Variants in FOXR1 observed in about 807,000 individuals in gnomAD.
The protein encoded by FOXR1 is forkhead box R1.
FOXR1 carries 25 observed loss-of-function variants against 34.5 expected under a neutral mutation model. That is an observed-to-expected ratio of 0.72 (90% CI 0.53 to 1.01). The LOEUF is 1.01. FOXR1 is among the 50% of genes least tolerant of loss of function. FOXR1 has a pLI of 0.00. For missense variants in FOXR1, 373 were observed against 376.2 expected, an observed-to-expected ratio of 0.99 and a Z score of 0.07; for synonymous variants, 153 against 141.6, an observed-to-expected ratio of 1.08 and a Z score of -0.57.
intron 1 of FOXR1, 108 bp downstream of exon 1, chr11:118,972,100 G>A (rs1261919118): frequency 2.1e-6 from 2 of 953,928 alleles, no homozygotes; most frequent in African/African-American, 1.8e-5. Flanking sequence ...CCCACCTCCC[G>A]GGGAGGCTTG....
intron 1 of FOXR1, 133 bp from the exon 2 acceptor site, chr11:118,978,646 TAGA>T: frequency 1.2e-6 from 1 of 845,404 alleles, no homozygotes; most frequent in Non-Finnish European, 1.9e-6. Flanking sequence ...GGAAAACCCG[TAGA>T]AGTAGAATGT....
intron 4 of FOXR1, 26 bp downstream of exon 4, chr11:118,979,694 G>A (rs1446785151): frequency 1.9e-6 from 3 of 1,545,930 alleles, no homozygotes; most frequent in Non-Finnish European, 2.6e-6. Flanking sequence ...CCTGCGAGGA[G>A]GGGGAAGTGG....
intron 1 of FOXR1, among the ~76,000 whole-genome samples, chr11:118,975,951 C>A (rs968443697): frequency 6.6e-6 from 1 of 152,200 alleles, no homozygotes. Flanking sequence ...AAACCACAAC[C>A]CTGACTAAAT....
At chr11:118,974,342 C>T (rs1941752805) in intron 1 of FOXR1, among the ~76,000 whole-genome samples, 2 of 152,170 alleles carry the variant, frequency 1.3e-5, no homozygotes. Context: ...GTAGCTGCAA[C>T]CACAGGCACA....
chr11:118,979,160 T>A lies in FOXR1; in HGVS notation c.340T>A (p.Ser114Thr). ...ESLSQSSSKR[S>T]PPRKRFAFSP... is the part of the protein sequence containing the mutation. ...ACTGTCCCAGTCCTCCAGCAAGCGG[T>A]CTCCCCCTCGGAAGCGGTTTGCCTT... Residue 114 changes from serine to threonine, a missense_variant, in exon 3 of 6, where the codon TCT (serine) becomes ACT (threonine). Physicochemically the swap from Ser to Thr is moderately conservative, Grantham distance 58 (BLOSUM62 1). Coordinates refer to ENST00000317011, the MANE Select transcript of FOXR1 (RefSeq NM_181721.3). 1 of 1,557,680 alleles carries A rather than the reference T, an allele frequency of 6.4e-7. No individual in the cohort carries two copies. Among genetic ancestry groups the A allele is most frequent in the Non-Finnish European group, 8.7e-7 (1 of 1,155,454 alleles).
At position 118,980,631 on chromosome 11, in the gene FOXR1, G is replaced by T; in HGVS notation, c.753G>T (p.Trp251Cys). Residue 251 changes from tryptophan (W) to cysteine (C), a missense_variant, in exon 5 of 6, where the codon TGG (tryptophan) becomes TGT (cysteine). Trp to Cys is a radical substitution (Grantham distance 215). Transcript: ENST00000317011. ...GASTRPRSCL[W>C]KLTEEGHRRF... ...GCACACGGCCTCGATCTTGCCTCTG[G>T]AAGTTGACCGAGGAGGGACACCGCC... 1 of 1,614,230 alleles carries T rather than the reference G, an allele frequency of 6.2e-7. No homozygotes were observed. The highest frequency in any genetic ancestry group is 1.3e-5 in the African/African-American group (1 of 75,080).
At chr11:118,974,411 C>T (rs1021105143) in intron 1 of FOXR1, among the ~76,000 whole-genome samples, 3 of 151,946 alleles carry the variant, frequency 2.0e-5, no homozygotes, top group Non-Finnish European at 4.4e-5. Flanking sequence ...CCCTATGTTG[C>T]CCAGGCTGGT....
intron 1 of FOXR1, among the ~76,000 whole-genome samples, chr11:118,975,149 A>G (rs1305112356): frequency 6.6e-6 from 1 of 152,162 alleles, no homozygotes; most frequent in Admixed American, 6.6e-5. Context: ...GATAACTAGC[A>G]AAAAAGACTA....
At chr11:118,976,433 C>T (rs1941781167) in intron 1 of FOXR1, among the ~76,000 whole-genome samples, 1 of 152,152 alleles carries the variant, frequency 6.6e-6, no homozygotes, top group African/African-American at 2.4e-5. Flanking sequence ...AACTCCTGGG[C>T]CCAAGCAATC....
chr11:118,971,797 C>A lies in FOXR1; in HGVS notation c.-135C>A. ...GGCGCCTGTGAGGGTCGCTCCTCAG[C>A]CGCCGCGCTCCCACTCCGCGTCCCC... is the stretch of plus-strand genomic sequence containing the variant. On this transcript the variant is annotated 5_prime_UTR_variant, in exon 1 of 6. Transcript: ENST00000317011. 2 of 913,124 alleles carry A rather than the reference C, an allele frequency of 2.2e-6. No individual in the cohort carries two copies. Among genetic ancestry groups the A allele is most frequent in the Non-Finnish European group, 3.4e-6 (2 of 582,388 alleles). The allele number at this position is 913,124 out of a possible 1,614,324, so 56.6% of individuals were successfully genotyped here. A position where few individuals can be genotyped will look rare whatever the true frequency, so the allele number is the denominator to read the frequency against.
chr11:118,979,772 A>G lies in FOXR1; in HGVS notation c.611+104A>G, dbSNP rs186213100. On this transcript the variant is annotated intron_variant, in intron 4 of 5. Transcript: ENST00000317011. Reference sequence around the variant, plus strand: ...CCTGGGTTGCTGACCTGGTTTCCCTATCTGGGTCTGAGAGGACAAGTATGT... The same window carrying G: ...CCTGGGTTGCTGACCTGGTTTCCCTGTCTGGGTCTGAGAGGACAAGTATGT... 2,928 of 1,064,636 alleles carry G rather than the reference A, an allele frequency of 2.8e-3. 7 individuals carry two copies. The highest frequency in any genetic ancestry group is 3.4e-3 in the Non-Finnish European group (2,552 of 741,662). The allele number at this position is 1,064,636 out of a possible 1,614,324, so 65.9% of individuals were successfully genotyped here.
chr11:118,973,836 G>C (rs1171843604), intron 1 of FOXR1, among the ~76,000 whole-genome samples: 2 of 151,904 alleles, frequency 1.3e-5, no homozygotes, highest in African/African-American at 4.8e-5. Flanking sequence ...TGGGATTACA[G>C]GCATGCATCA....
rs182330486 is a variant in FOXR1 at position 118,975,158 on chromosome 11, T to C, written c.61+3166T>C. 1.9e-3 allele frequency among the ~76,000 whole-genome samples: 291 copies of C among 152,220 alleles called. 1 individual carries two copies. The highest frequency in any genetic ancestry group is 6.7e-3 in the African/African-American group (278 of 41,532). On this transcript the variant is annotated intron_variant, in intron 1 of 5. Coordinates refer to ENST00000317011, the MANE Select transcript of FOXR1 (RefSeq NM_181721.3). ...AAGAGAGATAACTAGCAAAAAAGACTATTGAGAATCAAAACTAGGGCGTCT... is the reference window on the plus strand; with the variant it reads ...AAGAGAGATAACTAGCAAAAAAGACCATTGAGAATCAAAACTAGGGCGTCT...
At chr11:118,979,268 T>C in intron 3 of FOXR1, 64 bp downstream of exon 3, 3 of 1,503,328 alleles carry the variant, frequency 2.0e-6, no homozygotes, top group Non-Finnish European at 2.7e-6. Flanking sequence ...GGAAGAGCCA[T>C]TACAGTTCTG....
intron 1 of FOXR1, among the ~76,000 whole-genome samples, chr11:118,972,821 A>G (rs1941731210): frequency 6.6e-6 from 1 of 151,946 alleles, no homozygotes; most frequent in East Asian, 1.9e-4. Flanking sequence ...GCAGAGTTTC[A>G]CCATGTTGTC....
At chr11:118,976,662 C>A (rs933439796) in intron 1 of FOXR1, among the ~76,000 whole-genome samples, 1 of 152,166 alleles carries the variant, frequency 6.6e-6, no homozygotes, top group Non-Finnish European at 1.5e-5. Flanking sequence ...AAATTGTGGT[C>A]CTGCCTGATT....
At position 118,981,195 on chromosome 11, in the gene FOXR1, CCTT is replaced by C; in HGVS notation, c.851-12_851-10del. 1 of 1,614,066 alleles carries C rather than the reference CCTT, an allele frequency of 6.2e-7. No homozygotes were observed. Among genetic ancestry groups the C allele is most frequent in the South Asian group, 1.1e-5 (1 of 91,074 alleles). ...TGAAGTATAAACTCCTGAACTCTCT[CCTT>C]TTCTTACAGATGTGATGCCCTTCCT... is the stretch of plus-strand genomic sequence containing the variant. On this transcript the variant is annotated splice_polypyrimidine_tract_variant and intron_variant, in intron 5 of 5. Coordinates refer to ENST00000317011, the MANE Select transcript of FOXR1 (RefSeq NM_181721.3).
Position 118,980,628 on chromosome 11 carries a change from C to G in FOXR1, c.750C>G (p.Leu250=), listed in dbSNP as rs557694929. The change falls in exon 5 of 6, where the codon CTC becomes CTG. Residue 250 remains leucine, a synonymous_variant. Transcript: ENST00000317011. The part of the protein sequence containing the change: ...GGASTRPRSC[L]WKLTEEGHRR... ...CCAGCACACGGCCTCGATCTTGCCT[C>G]TGGAAGTTGACCGAGGAGGGACACC... 6.2e-7 allele frequency: 1 copy of G among 1,614,214 alleles called. No homozygotes were observed. Among genetic ancestry groups the G allele is most frequent in the Non-Finnish European group, 8.5e-7 (1 of 1,180,050 alleles).
At chr11:118,972,192 CG>C (rs553603795) in intron 1 of FOXR1, among the ~76,000 whole-genome samples, 200 bp downstream of exon 1, 3 of 129,354 alleles carry the variant, frequency 2.3e-5, no homozygotes, top group South Asian at 2.9e-4. Context: ...GAACTCTACT[CG>C]GGAGTGGTTT....
Sources: allele counts gnomAD v4.1 joint callset (sites outside exome capture counted in the v4.1 genomes callset), GRCh38; gene constraint gnomAD v4.1.1; transcripts MANE v1.5; gene names NCBI Gene and HGNC (gene_info 2026-07-23, HGNC 2026-07-21).